Variants in MIR2052HG observed in about 807,000 individuals in gnomAD.
MIR2052HG encodes MIR2052 host gene.
chr8:74,657,591 G>A (rs1808819732), intron 2 of MIR2052HG, among the ~76,000 whole-genome samples: 1 of 152,126 alleles, frequency 6.6e-6, no homozygotes, highest in South Asian at 2.1e-4. Context: ...AAACCAAAGA[G>A]GTTTGATGGA....
intron 2 of MIR2052HG, among the ~76,000 whole-genome samples, chr8:74,667,261 C>A (rs1357807847): frequency 6.6e-6 from 1 of 152,022 alleles, no homozygotes; most frequent in Non-Finnish European, 1.5e-5. Context: ...ACTATAGGTA[C>A]AAGTGAGGGA....
chr8:74,740,683 T>C (rs540406494), intron 4 of MIR2052HG, among the ~76,000 whole-genome samples: 5 of 152,242 alleles, frequency 3.3e-5, no homozygotes, highest in Admixed American at 1.3e-4. Flanking sequence ...AAGTACATGA[T>C]ATTGTTGGAA....
At chr8:74,730,261 T>A (rs115330085) in intron 4 of MIR2052HG, among the ~76,000 whole-genome samples, 1 of 152,182 alleles carries the variant, frequency 6.6e-6, no homozygotes, top group Non-Finnish European at 1.5e-5. Context: ...CCTTAATAAT[T>A]TGATACTACT....
chr8:74,678,261 A>G (rs546426840), intron 2 of MIR2052HG, among the ~76,000 whole-genome samples: 115 of 152,304 alleles, frequency 7.6e-4, no homozygotes, highest in African/African-American at 2.7e-3. Context: ...TCCAGAGAAT[A>G]GAAAGAATGA....
At chr8:74,636,026 C>A (rs1359158705) in intron 2 of MIR2052HG, among the ~76,000 whole-genome samples, 1 of 152,124 alleles carries the variant, frequency 6.6e-6, no homozygotes, top group Non-Finnish European at 1.5e-5. Context: ...GTGTCAGGCC[C>A]CCTTCCTGGC....
chr8:74,614,088 G>A (rs1586889463), intron 2 of MIR2052HG, among the ~76,000 whole-genome samples: 1 of 152,136 alleles, frequency 6.6e-6, no homozygotes, highest in African/African-American at 2.4e-5. Context: ...TGATTTAAAT[G>A]TTGTGATTTT....
chr8:74,697,533 A>C (rs908336185), intron 2 of MIR2052HG, among the ~76,000 whole-genome samples: 3 of 152,158 alleles, frequency 2.0e-5, no homozygotes, highest in African/African-American at 7.2e-5. Flanking sequence ...AGGGAGTCAA[A>C]CTGTTGCTGT....
At chr8:74,712,444 A>G (rs954231323) in intron 4 of MIR2052HG, among the ~76,000 whole-genome samples, 2 of 152,076 alleles carry the variant, frequency 1.3e-5, no homozygotes, top group Admixed American at 6.6e-5. Flanking sequence ...ATGAAATCAT[A>G]ACATTTGGAA....
intron 5 of MIR2052HG, among the ~76,000 whole-genome samples, chr8:74,755,516 A>G (rs891853695): frequency 2.6e-5 from 4 of 152,218 alleles, no homozygotes; most frequent in Non-Finnish European, 4.4e-5. Context: ...AATTTATAGG[A>G]TGGATGCAGT....
At chr8:74,702,534 C>G (rs1809368727) in intron 3 of MIR2052HG, 1 of 274,304 alleles carries the variant, frequency 3.6e-6, no homozygotes, top group Non-Finnish European at 8.0e-6. Context: ...ATGGAATATA[C>G]ATGTAAGCCA....
At chr8:74,646,292 C>T (rs1808689364) in intron 2 of MIR2052HG, among the ~76,000 whole-genome samples, 1 of 152,152 alleles carries the variant, frequency 6.6e-6, no homozygotes, top group Non-Finnish European at 1.5e-5. Context: ...TCTCTGGCTG[C>T]AGTGTGAAGA....
chr8:74,603,518 G>A, intron 1 of MIR2052HG: 2 of 1,547,778 alleles, frequency 1.3e-6, no homozygotes, highest in South Asian at 1.1e-5. Flanking sequence ...GTAAGTTCAT[G>A]AGAAGTAGTC....
intron 2 of MIR2052HG, among the ~76,000 whole-genome samples, chr8:74,625,698 T>TA (rs1808424892): frequency 6.6e-6 from 1 of 152,366 alleles, no homozygotes; most frequent in East Asian, 1.9e-4. Context: ...AGAATATTCT[T>TA]ACAATCATTT....
chr8:74,716,491 T>C (rs1276559165), intron 4 of MIR2052HG, among the ~76,000 whole-genome samples: 4 of 152,100 alleles, frequency 2.6e-5, no homozygotes, highest in African/African-American at 4.8e-5. Flanking sequence ...GGTGGGTGAA[T>C]CACAAGGTCA....
At chr8:74,650,119 A>G (rs1808736542) in intron 2 of MIR2052HG, among the ~76,000 whole-genome samples, 1 of 152,300 alleles carries the variant, frequency 6.6e-6, no homozygotes, top group Admixed American at 6.5e-5. Context: ...CTTACACACA[A>G]TAATATAAGC....
intron 1 of MIR2052HG, chr8:74,603,290 A>G: frequency 1.9e-6 from 3 of 1,564,496 alleles, no homozygotes; most frequent in South Asian, 1.1e-5. Flanking sequence ...GCATTGTTCT[A>G]GCTGCTCCCC....
chr8:74,625,801 A>G (rs1370814687), intron 2 of MIR2052HG, among the ~76,000 whole-genome samples: 6 of 152,350 alleles, frequency 3.9e-5, no homozygotes, highest in African/African-American at 1.2e-4. Context: ...TTGCAATAAT[A>G]TAAGTTGATT....
intron 2 of MIR2052HG, among the ~76,000 whole-genome samples, chr8:74,676,701 A>G (rs1809056756): frequency 6.6e-6 from 1 of 151,954 alleles, no homozygotes. Flanking sequence ...ATAAAGATGA[A>G]TAAGTACTAG....
At chr8:74,736,991 T>C (rs191365120) in intron 4 of MIR2052HG, among the ~76,000 whole-genome samples, 15 of 152,306 alleles carry the variant, frequency 9.8e-5, no homozygotes, top group African/African-American at 3.6e-4. Context: ...AGGAAAACCC[T>C]GACTTTCCAC....
Sources: gnomAD v4.1 joint callset for allele counts (sites outside exome capture counted in the v4.1 genomes callset) on GRCh38, gnomAD v4.1.1 for gene constraint, MANE v1.5 for transcripts, NCBI Gene and HGNC (gene_info 2026-07-23, HGNC 2026-07-21) for gene names.